SWT1: variants seen among roughly 807,000 people sequenced by gnomAD.
SWT1 encodes the protein SWT1 RNA endoribonuclease homolog.
In SWT1, 33 loss-of-function variants were observed where a neutral mutation model predicts 107.3. The observed-to-expected ratio is 0.31, with a 90% confidence interval of 0.23 to 0.41. SWT1 has a LOEUF of 0.41. SWT1 is among the 10% of genes least tolerant of loss of function. The pLI is 1.00. For missense variants in SWT1, 898 were observed against 1,028.9 expected (o/e 0.87, Z 1.74); for synonymous variants, 345 against 348.3 (o/e 0.99, Z 0.11).
At chr1:185,193,057 T>C (rs898656050) in intron 10 of SWT1, among the ~76,000 whole-genome samples, 5 of 152,162 alleles carry the variant, frequency 3.3e-5, no homozygotes, top group African/African-American at 1.2e-4. Context: ...ACTTCTGCAG[T>C]TGTATCCCAC....
chr1:185,195,785 T>C (rs377458503), intron 10 of SWT1, among the ~76,000 whole-genome samples: 182 of 152,378 alleles, frequency 1.2e-3, no homozygotes, highest in African/African-American at 4.4e-3. Context: ...TGTTGACACA[T>C]AAATGTCTTC....
In SWT1 at chr1:185,168,387, A is replaced by G; in HGVS notation, c.213A>G (p.Gln71=). Residue 71 remains glutamine (Q), a synonymous_variant, in exon 4 of 19, where the codon CAA becomes CAG. Transcript: ENST00000367500. ...TGTACTATAATATAAAAAGAAGACA[A>G]GGACTGAAAAGGTAAATTTCTCCTT... The part of the protein sequence containing the change: ...DVLYYNIKRR[Q]GLKRLSVEID... 1.4e-6 allele frequency: 2 copies of G among 1,379,458 alleles called. No individual in the cohort carries two copies. The highest frequency in any genetic ancestry group is 1.5e-5 in the African/African-American group (1 of 65,050). The allele number at this position is 1,379,458 out of a possible 1,614,324, so 85.5% of individuals were successfully genotyped here.
At position 185,239,704 on chromosome 1, in the gene SWT1, A is replaced by AT. The variant is rs1309364378; in HGVS notation, c.2441+8005dup. On this transcript the variant is annotated intron_variant, in intron 16 of 18. Transcript: ENST00000367500. ...TAGATAGCCAAGGACAATGTTGATAATTTTTTTTTCAGATAGACAAAAGTG... is the reference window on the plus strand; with the variant it reads ...TAGATAGCCAAGGACAATGTTGATAATTTTTTTTTTCAGATAGACAAAAGTG... Among the ~76,000 whole-genome samples the AT allele has an allele frequency of 3.3e-5, 5 of 151,108 alleles. No homozygotes were observed. The South Asian group carries it at 6.3e-4, about 19-fold the overall frequency.
At chr1:185,265,101 C>G (rs1663279879) in intron 16 of SWT1, among the ~76,000 whole-genome samples, 1 of 152,006 alleles carries the variant, frequency 6.6e-6, no homozygotes, top group African/African-American at 2.4e-5. Flanking sequence ...TAATTCTGAA[C>G]TTTGTCCAAA....
intron 12 of SWT1, among the ~76,000 whole-genome samples, chr1:185,206,068 C>T (rs751598650): frequency 6.6e-6 from 1 of 152,010 alleles, no homozygotes; most frequent in African/African-American, 2.4e-5. Flanking sequence ...AAGCTATTCT[C>T]CTGTCTCAAC....
At chr1:185,264,487 T>G in intron 16 of SWT1, 1 of 980,176 alleles carries the variant, frequency 1.0e-6, no homozygotes, top group Non-Finnish European at 1.2e-6. Flanking sequence ...AGAAATAGAA[T>G]AATAATAGTA....
intron 15 of SWT1, chr1:185,227,353 C>G: frequency 1.4e-6 from 1 of 725,416 alleles, no homozygotes; most frequent in Non-Finnish European, 2.5e-6. Context: ...TAGATCTTGT[C>G]CATGCCAAAC....
At chr1:185,246,183 C>T (rs1661593079) in intron 16 of SWT1, among the ~76,000 whole-genome samples, 1 of 152,180 alleles carries the variant, frequency 6.6e-6, no homozygotes, top group African/African-American at 2.4e-5. Context: ...CATACTGGCT[C>T]TGAGTTAATG....
At chr1:185,199,112 A>T (rs923479594) in intron 10 of SWT1, among the ~76,000 whole-genome samples, 3 of 151,402 alleles carry the variant, frequency 2.0e-5, no homozygotes, top group African/African-American at 7.3e-5. Flanking sequence ...TAATTTTTGT[A>T]TTTTTAGTAG....
rs552201414 is a variant in SWT1 at position 185,161,038 on chromosome 1, C to T, written c.84+113C>T. 7.1e-5 allele frequency: 56 copies of T among 786,044 alleles called. No individual in the cohort carries two copies. The Admixed American group carries it at 8.0e-4, about 11-fold the overall frequency. 48.7% of individuals were successfully genotyped at this position (786,044 alleles called of 1,614,324 possible). On this transcript the variant is annotated intron_variant, in intron 2 of 18. Coordinates refer to ENST00000367500, the MANE Select transcript of SWT1 (RefSeq NM_017673.7). ...ATGTAAATATTTTGTTCTGCTCAGC[C>T]GATCCAGGAAAAGTCATTTGCTTTT...
chr1:185,266,634 A>T (rs1458586145), intron 16 of SWT1: 1 of 147,734 alleles, frequency 6.8e-6, no homozygotes, highest in African/African-American at 2.5e-5. Flanking sequence ...TTTGGGGGAA[A>T]ATTTTTTTTT....
At chr1:185,166,852 G>A (rs573189915) in intron 3 of SWT1, among the ~76,000 whole-genome samples, 200 bp downstream of exon 3, 3 of 152,202 alleles carry the variant, frequency 2.0e-5, no homozygotes, top group Admixed American at 2.0e-4. Flanking sequence ...TTAGACAACT[G>A]TCATGGCTAT....
chr1:185,257,640 C>G (rs1050058391), intron 16 of SWT1, among the ~76,000 whole-genome samples: 2 of 152,224 alleles, frequency 1.3e-5, no homozygotes, highest in Non-Finnish European at 2.9e-5. Flanking sequence ...TGCTTCGGCT[C>G]GCACATGGTG....
Position 185,204,703 on chromosome 1 carries a change from C to A in SWT1, c.1673C>A (p.Thr558Lys). The part of the protein sequence containing the change: ...CIPKQQLKAE[T>K]TPLKESYKEE... ...TCTGTAACTATTTGTTTTAAAGAAA[C>A]AACACCCTTGAAAGAGAGCTATAAG... Residue 558 changes from threonine to lysine, a missense_variant, in exon 12 of 19, where the codon ACA (threonine) becomes AAA (lysine). Coordinates refer to ENST00000367500, the MANE Select transcript of SWT1 (RefSeq NM_017673.7). 1.3e-6 allele frequency: 2 copies of A among 1,561,692 alleles called. No homozygotes were observed. Among genetic ancestry groups the A allele is most frequent in the Non-Finnish European group, 1.7e-6 (2 of 1,158,868 alleles).
intron 2 of SWT1, among the ~76,000 whole-genome samples, chr1:185,163,378 C>T (rs988237098): frequency 6.6e-6 from 1 of 151,712 alleles, no homozygotes; most frequent in Non-Finnish European, 1.5e-5. Context: ...AGAAGCAACT[C>T]CTAATCCATG....
intron 16 of SWT1, among the ~76,000 whole-genome samples, chr1:185,265,613 C>T (rs1663317847): frequency 6.6e-6 from 1 of 152,198 alleles, no homozygotes; most frequent in South Asian, 2.1e-4. Context: ...ATTCTGCTTC[C>T]ATCCATTCAC....
intron 16 of SWT1, among the ~76,000 whole-genome samples, chr1:185,246,707 G>A (rs188516489): frequency 7.0e-6 from 1 of 142,972 alleles, no homozygotes; most frequent in Non-Finnish European, 1.5e-5. Flanking sequence ...ATAGCTCACT[G>A]CAGCCTGGAA....
chr1:185,245,463 T>C (rs568180906), intron 16 of SWT1, among the ~76,000 whole-genome samples: 1 of 152,274 alleles, frequency 6.6e-6, no homozygotes, highest in Non-Finnish European at 1.5e-5. Context: ...AGGCTCTTTT[T>C]AGTTAACTTT....
chr1:185,231,684 G>C lies in SWT1; in HGVS notation c.2417G>C (p.Arg806Thr). 1 of 1,606,074 alleles carries C rather than the reference G, an allele frequency of 6.2e-7. No homozygotes were observed. Among genetic ancestry groups the C allele is most frequent in the Non-Finnish European group, 8.5e-7 (1 of 1,173,716 alleles). The part of the protein sequence containing the change: ...ICLQKLMAAV[R>T]DILEGIQRIL... The stretch of plus-strand genomic sequence containing the variant: ...CTTCAAAAGTTAATGGCAGCTGTGA[G>C]GGATATTCTTGAAGGAATTCAAAGG... The change falls in exon 16 of 19, where the codon AGG (arginine) becomes ACG (threonine). Residue 806 changes from arginine (R) to threonine (T), a missense_variant. Around this residue, in one of 6 missense-constraint regions of SWT1, gnomAD observed 382 missense variants for 460.0 expected, o/e 0.83. Coordinates refer to ENST00000367500, the MANE Select transcript of SWT1 (RefSeq NM_017673.7).
Sources: gnomAD v4.1 joint callset for allele counts (sites outside exome capture counted in the v4.1 genomes callset) on GRCh38, gnomAD v4.1.1 for gene constraint, gnomAD v4.1.1 regional missense constraint, MANE v1.5 for transcripts, NCBI Gene and HGNC (gene_info 2026-07-23, HGNC 2026-07-21) for gene names.